The following NTM variants were observed in gnomAD, a reference collection of about 807,000 sequenced individuals.
NTM encodes the protein IgLON family member 2.
A neutral mutation model predicts 42.1 loss-of-function variants in NTM; 13 were observed. The observed-to-expected ratio is 0.31, with a 90% CI of 0.20 to 0.49. The LOEUF (loss-of-function observed/expected upper bound fraction) is 0.49, where lower values mean the gene tolerates loss of function less well. Ranked by LOEUF, NTM falls within the 20% of genes least tolerant of loss-of-function variation. NTM has a pLI of 0.99. For synonymous variants in NTM, 187 were observed against 179.2 expected (o/e 1.04, Z -0.35); for missense variants, 373 against 452.8 (o/e 0.82, Z 1.60).
rs536100861 is a variant in NTM, at chr11:132,222,766, G to A, written c.526+10619G>A. Among the ~76,000 whole-genome samples the A allele has an allele frequency of 7.9e-5, 12 of 151,990 alleles. No individual in the cohort carries two copies. The South Asian group carries it at 1.0e-3, about 13-fold the overall frequency. On this transcript the variant is annotated intron_variant, in intron 4 of 8. Coordinates refer to ENST00000683400, the MANE Select transcript of NTM (RefSeq NM_001352005.2). ...TCTGCTTACTGCCCTCACCCCCCAC[G>A]CACCCCACCCTGAAAAACAAACCTC...
At chr11:131,623,476 C>A (rs937336389) in intron 1 of NTM, among the ~76,000 whole-genome samples, 1 of 152,314 alleles carries the variant, frequency 6.6e-6, no homozygotes, top group East Asian at 1.9e-4. Context: ...CATTTTATAC[C>A]AAATCATGTT....
intron 2 of NTM, among the ~76,000 whole-genome samples, chr11:132,105,205 A>C (rs1216609150): frequency 6.6e-6 from 1 of 151,558 alleles, no homozygotes; most frequent in Non-Finnish European, 1.5e-5. Context: ...AAGGAGCACG[A>C]GTTGAGACCT....
intron 1 of NTM, among the ~76,000 whole-genome samples, chr11:131,548,190 TAATA>T (rs951419407): frequency 5.6e-4 from 85 of 152,352 alleles, no homozygotes; most frequent in African/African-American, 2.0e-3. Flanking sequence ...ACTTGGTAGT[TAATA>T]AATCTTAGTT....
chr11:131,733,143 G>A lies in NTM; in HGVS notation c.83-178421G>A, dbSNP rs1250583323. On this transcript the variant is annotated intron_variant, in intron 1 of 8. Transcript: ENST00000683400. ...TTGTCTATGTTAATGATTATTTTCGGAATAACTTATTGACAAATATTAACC... is the reference window on the plus strand; with the variant it reads ...TTGTCTATGTTAATGATTATTTTCGAAATAACTTATTGACAAATATTAACC... Among the ~76,000 whole-genome samples, 4 of 152,036 alleles carry A rather than the reference G, an allele frequency of 2.6e-5. No homozygotes were observed. The East Asian group carries it at 7.7e-4, about 29-fold the overall frequency.
rs542357601 is a variant in NTM, at chr11:131,451,184, C to G, written c.82+80296C>G. 5.3e-5 allele frequency among the ~76,000 whole-genome samples: 8 copies of G among 152,184 alleles called. No homozygotes were observed. In the East Asian group the frequency reaches 1.2e-3, roughly 22 times the overall value. On this transcript the variant is annotated intron_variant, in intron 1 of 8. Coordinates refer to ENST00000683400, the MANE Select transcript of NTM (RefSeq NM_001352005.2). The stretch of plus-strand genomic sequence containing the variant: ...TAACTAACAAATATTTTATCATAAG[C>G]ACTTATGGACCACCAACTCTATGCC...
chr11:131,733,230 C>A (rs934521826), intron 1 of NTM, among the ~76,000 whole-genome samples: 1 of 152,078 alleles, frequency 6.6e-6, no homozygotes, highest in African/African-American at 2.4e-5. Context: ...TCATGTTACT[C>A]TCCTAGGTAG....
At chr11:132,277,429 A>G (rs1437448562) in intron 4 of NTM, among the ~76,000 whole-genome samples, 2 of 152,210 alleles carry the variant, frequency 1.3e-5, no homozygotes, top group Admixed American at 6.5e-5. Flanking sequence ...GGATAAAAAG[A>G]GATGAAAGGT....
chr11:131,656,716 G>A (rs1225299715), intron 1 of NTM, among the ~76,000 whole-genome samples: 1 of 152,164 alleles, frequency 6.6e-6, no homozygotes, highest in Non-Finnish European at 1.5e-5. Context: ...GCCCCTGCGC[G>A]CTGAGCTCTG....
chr11:131,774,183 T>A, intron 1 of NTM: 1 of 914,762 alleles, frequency 1.1e-6, no homozygotes, highest in Non-Finnish European at 1.3e-6. Context: ...ATTTTCTTTA[T>A]CTCCATAGCC....
chr11:131,613,411 C>A (rs998288116), intron 1 of NTM, among the ~76,000 whole-genome samples: 7 of 152,086 alleles, frequency 4.6e-5, no homozygotes, highest in Admixed American at 4.6e-4. Context: ...ATTTTTCTTC[C>A]AGCTGGTGCA....
chr11:131,856,615 T>C (rs2046128353), intron 1 of NTM, among the ~76,000 whole-genome samples: 1 of 152,218 alleles, frequency 6.6e-6, no homozygotes, highest in Non-Finnish European at 1.5e-5. Context: ...GATCTTACGA[T>C]CTAGTTAATG....
intron 4 of NTM, among the ~76,000 whole-genome samples, chr11:132,235,448 C>G (rs1262205987): frequency 6.6e-6 from 1 of 152,116 alleles, no homozygotes; most frequent in Non-Finnish European, 1.5e-5. Flanking sequence ...GAAAGGTGGT[C>G]ACATTTCAGA....
At chr11:132,236,799 G>A (rs1197338015) in intron 4 of NTM, among the ~76,000 whole-genome samples, 5 of 152,190 alleles carry the variant, frequency 3.3e-5, no homozygotes. Flanking sequence ...ATGGAGAATG[G>A]CTGGCCTTAC....
intron 1 of NTM, chr11:131,795,765 T>C (rs183138831): frequency 1.0e-6 from 1 of 983,126 alleles, no homozygotes; most frequent in East Asian, 1.1e-4. Flanking sequence ...GATACTGCCT[T>C]GTGGGAGCAG....
chr11:132,267,791 G>A (rs1440993458), intron 4 of NTM, among the ~76,000 whole-genome samples: 2 of 150,976 alleles, frequency 1.3e-5, no homozygotes, highest in Non-Finnish European at 1.5e-5. Flanking sequence ...GCAGCGAGCC[G>A]AGATCGCTCC....
At chr11:132,058,729 C>T (rs948508616) in intron 2 of NTM, among the ~76,000 whole-genome samples, 18 of 152,306 alleles carry the variant, frequency 1.2e-4, no homozygotes, top group Middle Eastern at 3.4e-3. Context: ...TTGCCTTCTT[C>T]GCTGAGTCTG....
chr11:132,077,822 A>C (rs1365523688), intron 2 of NTM, among the ~76,000 whole-genome samples: 1 of 152,194 alleles, frequency 6.6e-6, no homozygotes, highest in Non-Finnish European at 1.5e-5. Flanking sequence ...GCTGGTCTCA[A>C]ACTCCTTGCC....
intron 1 of NTM, among the ~76,000 whole-genome samples, chr11:131,625,396 C>G (rs561013127): frequency 6.6e-6 from 1 of 152,144 alleles, no homozygotes; most frequent in South Asian, 2.1e-4. Flanking sequence ...CAGAGTTAAT[C>G]AAATCCACAA....
intron 2 of NTM, among the ~76,000 whole-genome samples, chr11:132,071,399 A>C (rs1248775330): frequency 4.7e-5 from 7 of 149,700 alleles, no homozygotes; most frequent in Non-Finnish European, 8.9e-5. Flanking sequence ...AACACGTCAC[A>C]CAGCCAAGTT....
Sources: allele counts gnomAD v4.1 joint callset (sites outside exome capture counted in the v4.1 genomes callset), GRCh38; gene constraint gnomAD v4.1.1; transcripts MANE v1.5; gene names NCBI Gene and HGNC (gene_info 2026-07-23, HGNC 2026-07-21).